Variants in NRG1 observed in about 807,000 individuals in gnomAD.
The protein encoded by NRG1 is neuregulin 1.
A neutral mutation model predicts 63.8 loss-of-function variants in NRG1; 18 were observed. That is an observed-to-expected ratio of 0.28 (90% confidence interval 0.19 to 0.42). The LOEUF (loss-of-function observed/expected upper bound fraction) is 0.42, where lower values mean the gene tolerates loss of function less well. Ranked by LOEUF, NRG1 falls within the 10% of genes least tolerant of loss-of-function variation. NRG1 has a pLI of 1.00. For synonymous variants in NRG1, 302 were observed against 301.3 expected (o/e 1.00, Z -0.02); for missense variants, 762 against 814.7 (o/e 0.94, Z 0.79).
At chr8:32,678,182 G>A (rs1428492381) in intron 5 of NRG1, among the ~76,000 whole-genome samples, 1 of 152,088 alleles carries the variant, frequency 6.6e-6, no homozygotes, top group Non-Finnish European at 1.5e-5. Flanking sequence ...TTATTTTCAA[G>A]TCAAGTAGAG....
intron 1 of NRG1, among the ~76,000 whole-genome samples, chr8:32,209,325 G>C (rs944165224): frequency 2.0e-5 from 3 of 151,970 alleles, no homozygotes; most frequent in Non-Finnish European, 4.4e-5. Context: ...TTTAAAAATA[G>C]ATAAGTAAAT....
In NRG1 at chr8:31,712,468, C is replaced by A. The variant is rs142330461; in HGVS notation, c.37+73037C>A. Among the ~76,000 whole-genome samples, 832 of 152,096 alleles carry A rather than the reference C, an allele frequency of 5.5e-3. 7 individuals carry two copies. The highest frequency in any genetic ancestry group is 0.019 in the African/African-American group (797 of 41,482). On this transcript the variant is annotated intron_variant, in intron 1 of 10. Coordinates refer to the NRG1 transcript ENST00000519301. ...TATTTTTAGTAGAGAAGGGGTTTCA[C>A]CATGTTAGCCATGATGGTCTCGATC...
rs757738464 is a variant in NRG1, at chr8:31,675,375, A to G, written c.37+35944A>G. ...AAAGTTGCTGCTGTAGAGTTTTGTC[A>G]TAAGAACATACTGGCTGCAGTGTCC... On this transcript the variant is annotated intron_variant, in intron 1 of 10. Transcript: ENST00000519301. 7.9e-5 allele frequency among the ~76,000 whole-genome samples: 12 copies of G among 152,170 alleles called. No individual in the cohort carries two copies. The East Asian group carries it at 1.2e-3, about 15-fold the overall frequency.
At chr8:32,653,123 GTT>G (rs150693577) in intron 5 of NRG1, among the ~76,000 whole-genome samples, 4 of 148,250 alleles carry the variant, frequency 2.7e-5, no homozygotes, top group African/African-American at 4.9e-5. Context: ...TTCCTCTTTG[GTT>G]TTTTTTTGTT....
At chr8:32,137,170 G>A (rs973662679) in intron 1 of NRG1, among the ~76,000 whole-genome samples, 7 of 152,092 alleles carry the variant, frequency 4.6e-5, no homozygotes, top group Non-Finnish European at 1.0e-4. Flanking sequence ...TTATGGCCTG[G>A]CATGGTGGCT....
intron 1 of NRG1, among the ~76,000 whole-genome samples, chr8:32,175,666 C>A (rs1057379665): frequency 1.3e-5 from 2 of 152,160 alleles, no homozygotes; most frequent in African/African-American, 2.4e-5. Context: ...ACAAAAATCA[C>A]AAGCATTCTT....
intron 1 of NRG1, among the ~76,000 whole-genome samples, chr8:32,180,752 T>C (rs1425854474): frequency 1.3e-5 from 2 of 152,190 alleles, no homozygotes; most frequent in African/African-American, 2.4e-5. Flanking sequence ...AGTTATTTTT[T>C]GTGGTGAGAC....
intron 1 of NRG1, among the ~76,000 whole-genome samples, chr8:32,196,015 CATAGTATTAGTTACTA>C (rs1207811974): frequency 2.0e-5 from 3 of 152,002 alleles, no homozygotes; most frequent in African/African-American, 7.3e-5. Flanking sequence ...CAGGCACTAA[CATAGTATTAGTTACTA>C]ATAGTATTAG....
chr8:31,955,883 A>G (rs976930930), intron 1 of NRG1, among the ~76,000 whole-genome samples: 2 of 151,806 alleles, frequency 1.3e-5, no homozygotes, highest in African/African-American at 4.8e-5. Flanking sequence ...CTTCAAAAAA[A>G]AGAAAAAATC....
intron 1 of NRG1, among the ~76,000 whole-genome samples, chr8:31,989,101 T>A (rs1810583810): frequency 1.3e-5 from 2 of 150,536 alleles, no homozygotes; most frequent in Non-Finnish European, 3.0e-5. Context: ...ATACAAAAAT[T>A]AGCTGGACAT....
chr8:32,254,426 T>G (rs1849459469), intron 1 of NRG1, among the ~76,000 whole-genome samples: 1 of 152,212 alleles, frequency 6.6e-6, no homozygotes, highest in Non-Finnish European at 1.5e-5. Flanking sequence ...CTGCCTTCAT[T>G]TCATTATTTA....
Position 31,710,919 on chromosome 8 carries a change from T to C in NRG1, c.37+71488T>C, listed in dbSNP as rs191321687. The stretch of plus-strand genomic sequence containing the variant: ...TTTAACAGTCTTTCATTATGTTGTC[T>C]GTGTACTTCCCTTTGTTTTAAGTAT... On this transcript the variant is annotated intron_variant, in intron 1 of 10. Transcript: ENST00000519301. 6.4e-3 allele frequency among the ~76,000 whole-genome samples: 968 copies of C among 152,276 alleles called. 14 individuals carry two copies. The highest frequency in any genetic ancestry group is 0.011 in the Non-Finnish European group (724 of 67,980).
chr8:31,655,162 T>C (rs1402302031), intron 1 of NRG1, among the ~76,000 whole-genome samples: 2 of 152,190 alleles, frequency 1.3e-5, no homozygotes, highest in African/African-American at 4.8e-5. Context: ...AGCCTACTTT[T>C]TTCATTTACT....
intron 1 of NRG1, among the ~76,000 whole-genome samples, chr8:31,933,056 TA>T (rs1834994513): frequency 6.6e-6 from 1 of 152,218 alleles, no homozygotes; most frequent in South Asian, 2.1e-4. Context: ...AAATGTTATA[TA>T]AAATTTTAAA....
At chr8:32,535,114 T>C (rs1273088744) in intron 1 of NRG1, among the ~76,000 whole-genome samples, 1 of 152,218 alleles carries the variant, frequency 6.6e-6, no homozygotes, top group Non-Finnish European at 1.5e-5. Flanking sequence ...CAGCTGATTT[T>C]GTAGATTTAA....
chr8:32,333,365 G>T (rs7822917), intron 1 of NRG1, among the ~76,000 whole-genome samples: 29,985 of 152,034 alleles, frequency 0.2, 3,741 homozygotes, highest in Non-Finnish European at 0.29. Flanking sequence ...GTATCACAAT[G>T]CATTCAGGTA....
At chr8:31,903,925 TG>T (rs1248206354) in intron 1 of NRG1, among the ~76,000 whole-genome samples, 1 of 152,156 alleles carries the variant, frequency 6.6e-6, no homozygotes, top group Non-Finnish European at 1.5e-5. Context: ...CACTCCAGCC[TG>T]GGTGACAAGA....
chr8:31,652,269 T>C (rs764223563), intron 1 of NRG1, among the ~76,000 whole-genome samples: 3 of 152,234 alleles, frequency 2.0e-5, no homozygotes, highest in Non-Finnish European at 2.9e-5. Context: ...TCGTCCCGTC[T>C]TCCCTCACTT....
intron 1 of NRG1, among the ~76,000 whole-genome samples, chr8:32,180,402 T>C (rs1177986361): frequency 6.6e-6 from 1 of 152,152 alleles, no homozygotes; most frequent in South Asian, 2.1e-4. Flanking sequence ...TTTAAATGCA[T>C]GTTTAAAATA....
Sources: allele counts gnomAD v4.1 joint callset (sites outside exome capture counted in the v4.1 genomes callset), GRCh38; gene constraint gnomAD v4.1.1; transcripts MANE v1.5; gene names NCBI Gene and HGNC (gene_info 2026-07-23, HGNC 2026-07-21).